TULP4: variants seen among roughly 807,000 people sequenced by gnomAD.
The protein encoded by TULP4 is TUB like protein 4, also known as tubby-related protein 4.
Under a neutral mutation model 129.0 loss-of-function variants are expected in TULP4, and 16 were observed. That is an observed-to-expected ratio of 0.12 (90% CI 0.08 to 0.19). The LOEUF is 0.19. Ranked by LOEUF, TULP4 falls within the 10% of genes least tolerant of loss-of-function variation. TULP4 has a pLI of 1.00. For synonymous variants in TULP4, 998 were observed against 854.0 expected (o/e 1.17, Z -2.94); for missense variants, 1,842 against 2,059.1 (o/e 0.89, Z 2.04).
At chr6:158,364,602 T>C (rs963773257) in intron 1 of TULP4, among the ~76,000 whole-genome samples, 2 of 152,220 alleles carry the variant, frequency 1.3e-5, no homozygotes, top group Admixed American at 6.5e-5. Context: ...TATTCATTGT[T>C]ACTGTTAAGA....
At chr6:158,365,663 G>A (rs971400798) in intron 1 of TULP4, among the ~76,000 whole-genome samples, 2 of 150,954 alleles carry the variant, frequency 1.3e-5, no homozygotes, top group Non-Finnish European at 3.0e-5. Flanking sequence ...AGTAGAGAGG[G>A]GGTTTCACCA....
chr6:158,374,541 G>A (rs1017685849), intron 1 of TULP4, among the ~76,000 whole-genome samples: 2 of 152,320 alleles, frequency 1.3e-5, no homozygotes, highest in South Asian at 4.1e-4. Context: ...TTTGCTTCTA[G>A]CCTGCTACTG....
chr6:158,302,034 G>A (rs1779140818), intron 1 of TULP4, among the ~76,000 whole-genome samples: 1 of 152,182 alleles, frequency 6.6e-6, no homozygotes, highest in Non-Finnish European at 1.5e-5. Flanking sequence ...CCTGAGCGAT[G>A]TGTAATCCAG....
upstream of TULP4, chr6:158,312,067 G>A (rs557459175): frequency 7.6e-6 from 3 of 396,186 alleles, no homozygotes; most frequent in South Asian, 3.9e-4. Context: ...AAGACTCCAG[G>A]GCCTCCCAGC....
intron 9 of TULP4, among the ~76,000 whole-genome samples, chr6:158,490,764 C>T (rs1318538771): frequency 2.0e-4 from 30 of 151,832 alleles, no homozygotes; most frequent in South Asian, 2.1e-4. Context: ...ATATGTCAAA[C>T]GATATGTTCC....
chr6:158,353,756 G>A (rs1408869845), intron 1 of TULP4, among the ~76,000 whole-genome samples: 1 of 152,158 alleles, frequency 6.6e-6, no homozygotes, highest in Non-Finnish European at 1.5e-5. Flanking sequence ...TTAAATCTCT[G>A]TGAATAGATC....
intron 7 of TULP4, among the ~76,000 whole-genome samples, chr6:158,480,661 T>C (rs565259992): frequency 1.4e-4 from 21 of 151,986 alleles, no homozygotes; most frequent in African/African-American, 4.8e-4. Flanking sequence ...ACTTTTTTCC[T>C]GAAACATCAA....
At chr6:158,314,640 A>G (rs1173211841) in intron 1 of TULP4, among the ~76,000 whole-genome samples, 1 of 152,198 alleles carries the variant, frequency 6.6e-6, no homozygotes, top group Non-Finnish European at 1.5e-5. Flanking sequence ...TCTACATGGC[A>G]AAGAGTTACC....
intron 1 of TULP4, among the ~76,000 whole-genome samples, chr6:158,345,611 A>AGGTCACAAAG (rs1780286067): frequency 6.6e-6 from 1 of 152,258 alleles, no homozygotes; most frequent in Non-Finnish European, 1.5e-5. Flanking sequence ...AACAGGGAGT[A>AGGTCACAAAG]GGTCACAAAG....
chr6:158,440,998 G>A (rs959150512), intron 3 of TULP4, among the ~76,000 whole-genome samples: 4 of 152,134 alleles, frequency 2.6e-5, no homozygotes, highest in Admixed American at 6.5e-5. Context: ...TATAAAATAC[G>A]CTAAATAAAA....
intron 1 of TULP4, among the ~76,000 whole-genome samples, chr6:158,253,376 T>G (rs532070575): frequency 6.6e-6 from 1 of 152,014 alleles, no homozygotes; most frequent in Non-Finnish European, 1.5e-5. Flanking sequence ...TTTGAAAATC[T>G]CTGTGGCCTG....
intron 1 of TULP4, among the ~76,000 whole-genome samples, chr6:158,380,910 A>AAAAAAAGAAG (rs779845034): frequency 8.0e-4 from 108 of 135,100 alleles, no homozygotes; most frequent in Non-Finnish European, 1.5e-3. Flanking sequence ...AAAAAAAAAA[A>AAAAAAAGAAG]AAGAAGAAGA....
At chr6:158,461,423 A>AAAG (rs5881266) in intron 5 of TULP4, 140 bp from the exon 6 acceptor site, 218,578 of 795,478 alleles carry the variant, frequency 0.27, 21,637 homozygotes, top group African/African-American at 0.55. Context: ...AAAAAAAAAA[A>AAAG]AAAGGAAAAA....
intron 1 of TULP4, among the ~76,000 whole-genome samples, chr6:158,302,793 A>G (rs1397380446): frequency 6.6e-6 from 1 of 151,960 alleles, no homozygotes; most frequent in Non-Finnish European, 1.5e-5. Context: ...GCACTGTAAG[A>G]GTTATGTGGA....
chr6:158,237,413 G>A (rs561411828), intron 1 of TULP4: 4 of 1,602,402 alleles, frequency 2.5e-6, no homozygotes, highest in Admixed American at 1.7e-5. Context: ...GCAGGTCTCT[G>A]GTGTCTTGGG....
At chr6:158,284,715 C>G (rs1340443131) in intron 1 of TULP4, among the ~76,000 whole-genome samples, 2 of 152,332 alleles carry the variant, frequency 1.3e-5, no homozygotes, top group East Asian at 1.9e-4. Flanking sequence ...CTGCCCACTT[C>G]AGGGCTCTCA....
chr6:158,400,341 A>G (rs187498625), intron 1 of TULP4, among the ~76,000 whole-genome samples: 1 of 152,344 alleles, frequency 6.6e-6, no homozygotes. Context: ...ATAAAAGTAT[A>G]TACATTACAG....
intron 1 of TULP4, among the ~76,000 whole-genome samples, chr6:158,356,607 G>C (rs1364360585): frequency 6.6e-6 from 1 of 152,138 alleles, no homozygotes. Context: ...TGGGGCTTAG[G>C]TGGTTGGGGC....
intron 1 of TULP4, among the ~76,000 whole-genome samples, chr6:158,340,953 GTT>G (rs373147466): frequency 6.6e-6 from 1 of 152,062 alleles, no homozygotes; most frequent in Admixed American, 6.5e-5. Context: ...TTTTGTGTGT[GTT>G]TTTTTGTTTG....
Sources: allele counts gnomAD v4.1 joint callset (sites outside exome capture counted in the v4.1 genomes callset), GRCh38; gene constraint gnomAD v4.1.1; transcripts MANE v1.5; gene names NCBI Gene and HGNC (gene_info 2026-07-23, HGNC 2026-07-21).